The following CDYL variants were observed in gnomAD, a reference collection of about 807,000 sequenced individuals.
The protein encoded by CDYL is chromodomain Y like.
A neutral mutation model predicts 47.3 loss-of-function variants in CDYL; 8 were observed. The ratio of observed to expected loss-of-function variants is 0.17; its 90% CI spans 0.10 to 0.31. The LOEUF is 0.31. Ranked by LOEUF, CDYL falls within the 10% of genes least tolerant of loss-of-function variation. CDYL has a pLI of 1.00. For missense variants in CDYL, 471 were observed against 701.4 expected, an observed-to-expected ratio of 0.67 and a Z score of 3.71; for synonymous variants, 266 against 265.0, an observed-to-expected ratio of 1.00 and a Z score of -0.04.
At chr6:4,908,947 A>G (rs1757323544) in intron 2 of CDYL, among the ~76,000 whole-genome samples, 1 of 152,104 alleles carries the variant, frequency 6.6e-6, no homozygotes, top group African/African-American at 2.4e-5. Flanking sequence ...TTAAGCCACA[A>G]AAGGTTCTAT....
chr6:4,890,258 T>C lies in CDYL; in HGVS notation c.25-1455T>C, dbSNP rs144186282. On this transcript the variant is annotated intron_variant, in intron 1 of 6. Coordinates refer to ENST00000397588, the MANE Select transcript of CDYL (RefSeq NM_004824.4). ...TCATCTATGTGGACTTTTCCAGAAA[T>C]ATGTCTTTTACTTAAATTGAAATAC... 7 of 641,888 alleles carry C rather than the reference T, an allele frequency of 1.1e-5. No individual in the cohort carries two copies. The African/African-American group carries it at 1.2e-4, about 11-fold the overall frequency. The allele number at this position is 641,888 out of a possible 1,614,324, so 39.8% of individuals were successfully genotyped here.
At chr6:4,901,093 A>G (rs1290795814) in intron 2 of CDYL, among the ~76,000 whole-genome samples, 1 of 151,668 alleles carries the variant, frequency 6.6e-6, no homozygotes, top group East Asian at 2.0e-4. Context: ...GTTCCTGCTC[A>G]GTTTTGAATA....
intron 1 of CDYL, among the ~76,000 whole-genome samples, chr6:4,827,143 C>A (rs1000948191): frequency 1.3e-5 from 2 of 152,142 alleles, no homozygotes; most frequent in Non-Finnish European, 2.9e-5. Context: ...TTACTATTTA[C>A]ATTTAATATA....
At chr6:4,807,804 C>A (rs964297501) in intron 1 of CDYL, among the ~76,000 whole-genome samples, 2 of 151,918 alleles carry the variant, frequency 1.3e-5, no homozygotes, top group Non-Finnish European at 1.5e-5. Flanking sequence ...TAGGGTCTTG[C>A]TATGTTGCCC....
intron 5 of CDYL, among the ~76,000 whole-genome samples, chr6:4,947,473 T>G (rs1275215672): frequency 6.6e-6 from 1 of 152,150 alleles, no homozygotes; most frequent in Non-Finnish European, 1.5e-5. Context: ...GTCTCAGCCC[T>G]CTCTGCCTCT....
At chr6:4,820,743 T>A (rs1759810693) in intron 1 of CDYL, among the ~76,000 whole-genome samples, 2 of 152,198 alleles carry the variant, frequency 1.3e-5, no homozygotes, top group Non-Finnish European at 2.9e-5. Flanking sequence ...TTGGAAGTGA[T>A]GCCCACAAGA....
At chr6:4,850,896 C>A (rs1311606182) in intron 1 of CDYL, among the ~76,000 whole-genome samples, 1 of 152,112 alleles carries the variant, frequency 6.6e-6, no homozygotes, top group Non-Finnish European at 1.5e-5. Flanking sequence ...TCTTAACTAA[C>A]AAGCAGAAAA....
At chr6:4,771,498 CAA>C (rs1342714442), upstream of CDYL, among the ~76,000 whole-genome samples, 4 of 152,264 alleles carry the variant, frequency 2.6e-5, no homozygotes, top group Non-Finnish European at 5.9e-5. Context: ...CTACACTAGA[CAA>C]TACTAGTGAT....
At chr6:4,885,193 T>A (rs1761869063) in intron 1 of CDYL, among the ~76,000 whole-genome samples, 1 of 152,084 alleles carries the variant, frequency 6.6e-6, no homozygotes, top group South Asian at 2.1e-4. Context: ...GGGGTCTTGC[T>A]ATGTTGTCCA....
At chr6:4,773,844 A>C (rs1041129192), upstream of CDYL, among the ~76,000 whole-genome samples, 2 of 152,184 alleles carry the variant, frequency 1.3e-5, no homozygotes, top group Non-Finnish European at 2.9e-5. The surrounding 1 kb of genome is among the most constrained non-coding windows in gnomAD (Gnocchi z 4.6). Flanking sequence ...AACATTCCAG[A>C]TTGTCAAGAT....
chr6:4,913,869 T>C (rs1757480472), intron 2 of CDYL, among the ~76,000 whole-genome samples: 1 of 152,286 alleles, frequency 6.6e-6, no homozygotes, highest in African/African-American at 2.4e-5. Context: ...CAGCCCAGAT[T>C]TGGCCAGGAG....
chr6:4,721,490 TCTCATGCCTCAGC>T (rs1199804244), intron 2 of CDYL, among the ~76,000 whole-genome samples: 1 of 152,088 alleles, frequency 6.6e-6, no homozygotes, highest in Non-Finnish European at 1.5e-5. Flanking sequence ...GTCAAGCAAT[TCTCATGCCTCAGC>T]CTCCCTAGTA....
At chr6:4,824,799 G>A (rs1759932697) in intron 1 of CDYL, among the ~76,000 whole-genome samples, 1 of 151,274 alleles carries the variant, frequency 6.6e-6, no homozygotes, top group Non-Finnish European at 1.5e-5. Context: ...AGATTGTTTT[G>A]ACTTTCTGGG....
At chr6:4,940,770 G>T (rs998336502) in intron 4 of CDYL, among the ~76,000 whole-genome samples, 1 of 152,226 alleles carries the variant, frequency 6.6e-6, no homozygotes, top group East Asian at 1.9e-4. Flanking sequence ...GAGACCGGGG[G>T]CCCTGCCCAA....
chr6:4,922,462 T>C (rs1757744908), intron 2 of CDYL, among the ~76,000 whole-genome samples: 1 of 152,324 alleles, frequency 6.6e-6, no homozygotes, highest in African/African-American at 2.4e-5. Flanking sequence ...AAAGTATAAA[T>C]ACAAGCAGTA....
rs1273555803 is a variant in CDYL, at chr6:4,950,220, C to G, written c.1333-2046C>G. On this transcript the variant is annotated intron_variant, in intron 5 of 6. Coordinates refer to ENST00000397588, the MANE Select transcript of CDYL (RefSeq NM_004824.4). Reference sequence around the variant, plus strand: ...ATTGACTGGGACAGACAGCCAGGGCCCTGCAGGAAGGGCGGGAGAGGAAGC... The same window carrying G: ...ATTGACTGGGACAGACAGCCAGGGCGCTGCAGGAAGGGCGGGAGAGGAAGC... Among the ~76,000 whole-genome samples the G allele has an allele frequency of 5.9e-5, 9 of 152,140 alleles. No individual in the cohort carries two copies. In the South Asian group the frequency reaches 1.7e-3, roughly 28 times the overall value.
At chr6:4,939,976 C>CCGCT (rs1758315176) in intron 4 of CDYL, among the ~76,000 whole-genome samples, 1 of 151,450 alleles carries the variant, frequency 6.6e-6, no homozygotes. Flanking sequence ...ACTTGTGAGC[C>CCGCT]CGCTGGTGCC....
chr6:4,726,606 C>T (rs982306560), intron 2 of CDYL, among the ~76,000 whole-genome samples: 4 of 150,156 alleles, frequency 2.7e-5, no homozygotes, highest in Non-Finnish European at 5.9e-5. Flanking sequence ...GAGGCTGAGG[C>T]GAGAGGATTG....
At chr6:4,766,502 C>A (rs192508809) in intron 3 of CDYL, among the ~76,000 whole-genome samples, 2 of 152,022 alleles carry the variant, frequency 1.3e-5, no homozygotes, top group Non-Finnish European at 2.9e-5. Flanking sequence ...TGAGCCATGG[C>A]GCCCGGCCCT....
Sources: gnomAD v4.1 joint callset for allele counts (sites outside exome capture counted in the v4.1 genomes callset) on GRCh38, gnomAD v4.1.1 for gene constraint, Gnocchi (gnomAD v3.1) non-coding constraint, MANE v1.5 for transcripts, NCBI Gene and HGNC (gene_info 2026-07-23, HGNC 2026-07-21) for gene names.